The following MORC4 variants were observed in gnomAD, a reference collection of about 807,000 sequenced individuals.
MORC4 encodes the protein MORC family CW-type zinc finger protein 4.
MORC4 carries 22 observed loss-of-function variants against 65.5 expected under a neutral mutation model. The observed-to-expected ratio is 0.34, with a 90% CI of 0.24 to 0.48. MORC4 has a LOEUF of 0.48. Among genes scored for constraint, MORC4 ranks in the 20% least tolerant of loss-of-function variants. The pLI, the probability that MORC4 is intolerant of heterozygous loss-of-function variation, is 0.99. For synonymous variants in MORC4, 267 were observed against 255.8 expected, an observed-to-expected ratio of 1.04 and a Z score of -0.42; for missense variants, 624 against 703.0, an observed-to-expected ratio of 0.89 and a Z score of 1.27.
intron 7 of MORC4, among the ~76,000 whole-genome samples, chrX:106,978,510 G>A (rs767945493): frequency 9.1e-5 from 10 of 110,393 alleles, no homozygotes; most frequent in African/African-American, 2.9e-4. Flanking sequence ...ATAAAGAAAT[G>A]ATTAAATAAA....
chrX:106,941,369 G>A lies in MORC4; in HGVS notation c.*110C>T, dbSNP rs868355802. 4.7e-6 allele frequency: 2 copies of A among 421,615 alleles called. No homozygotes were observed. The highest frequency in any genetic ancestry group is 1.3e-4 in the African/African-American group (2 of 15,597). 34.7% of individuals were successfully genotyped at this position (421,615 alleles called of 1,213,427 possible). A position where few individuals can be genotyped will look rare whatever the true frequency, so the allele number is the denominator to read the frequency against. On this transcript the variant is annotated 3_prime_UTR_variant, in exon 17 of 17. Coordinates refer to ENST00000355610, the MANE Select transcript of MORC4 (RefSeq NM_024657.5). ...TCTCTATATAAGGCATAAAGGTGAGGGTGAGAGAGAGAGAGAGAGAGAGAG... is the reference window on the plus strand; with the variant it reads ...TCTCTATATAAGGCATAAAGGTGAGAGTGAGAGAGAGAGAGAGAGAGAGAG...
intron 9 of MORC4, among the ~76,000 whole-genome samples, chrX:106,974,315 T>TG (rs890700105): frequency 4.5e-5 from 5 of 111,789 alleles, no homozygotes; most frequent in African/African-American, 1.6e-4. Flanking sequence ...ACTGCTGCTC[T>TG]GGGGTATGGC....
At chrX:106,947,059 T>G (rs1569295229) in intron 14 of MORC4, among the ~76,000 whole-genome samples, 2 of 112,099 alleles carry the variant, frequency 1.8e-5, no homozygotes, top group Non-Finnish European at 3.8e-5. Context: ...TCAATATATT[T>G]TTACATTTCC....
chrX:106,954,916 GA>G lies in MORC4; in HGVS notation c.1681del (p.Ser561ProfsTer8). The G allele has an allele frequency of 8.3e-7, 1 of 1,207,503 alleles. No homozygotes were observed. Among genetic ancestry groups the G allele is most frequent in the South Asian group, 1.8e-5 (1 of 55,878 alleles). Reference protein sequence around the residue: ...KPLDSSVLQFSSKYKWILGEE... With the variant: ...KPLDSSVLQFXSKYKWILGEE... ...AGAGATCATGCTTTTTAGTCACCTGGAAAACTGTAAAACACTGGAATCCAGA... is the reference window on the plus strand; with the variant it reads ...AGAGATCATGCTTTTTAGTCACCTGGAAACTGTAAAACACTGGAATCCAGA... On this transcript the variant is annotated frameshift_variant, in exon 14 of 17. Transcript: ENST00000355610. LOFTEE classifies it high-confidence loss of function.
At chrX:106,966,227 C>T (rs1320435043) in intron 9 of MORC4, among the ~76,000 whole-genome samples, 3 of 112,352 alleles carry the variant, frequency 2.7e-5, no homozygotes, top group African/African-American at 9.7e-5. Context: ...GAGGCTGGGG[C>T]TGAACAATCT....
In MORC4 at chrX:106,950,997, AT is replaced by A. The variant is rs759510438; in HGVS notation, c.1685+3915del. ...CCTAGGACACTATCCAGAAACACTG[AT>A]TTTTTTTAAATATATTTTTTCAAGT... On this transcript the variant is annotated intron_variant, in intron 14 of 16. Transcript: ENST00000355610. Among the ~76,000 whole-genome samples, 3 of 111,562 alleles carry A rather than the reference AT, an allele frequency of 2.7e-5. 1 individual carries two copies. Among genetic ancestry groups the A allele is most frequent in the South Asian group, 7.6e-4 (2 of 2,637 alleles).
At chrX:106,957,769 A>G (rs979627705) in intron 11 of MORC4, among the ~76,000 whole-genome samples, 1 of 112,159 alleles carries the variant, frequency 8.9e-6, no homozygotes, top group East Asian at 2.8e-4. Flanking sequence ...GTACTACTGT[A>G]TAACACTGAT....
chrX:106,949,178 G>A lies in MORC4; in HGVS notation c.1685+5735C>T, dbSNP rs187346956. 4.5e-5 allele frequency among the ~76,000 whole-genome samples: 5 copies of A among 111,148 alleles called. No individual in the cohort carries two copies. In the East Asian group the frequency reaches 1.4e-3, roughly 31 times the overall value. ...TTTATTCTTCCAACTCTAATGTGCT[G>A]TTGAGTCCCTTTAAAATTTTTTTCA... is the stretch of plus-strand genomic sequence containing the variant. On this transcript the variant is annotated intron_variant, in intron 14 of 16. Coordinates refer to ENST00000355610, the MANE Select transcript of MORC4 (RefSeq NM_024657.5).
At chrX:106,954,080 G>A (rs148271020) in intron 14 of MORC4, among the ~76,000 whole-genome samples, 2,164 of 112,897 alleles carry the variant, frequency 0.019, 52 homozygotes, top group African/African-American at 0.065. Flanking sequence ...CCAAGATCAC[G>A]CCATTGGACT....
intron 10 of MORC4, among the ~76,000 whole-genome samples, chrX:106,961,324 ATCT>A (rs1487032980): frequency 8.9e-6 from 1 of 112,367 alleles, no homozygotes; most frequent in Non-Finnish European, 1.9e-5. Flanking sequence ...AATAGCCATC[ATCT>A]TCTACTATAT....
chrX:106,947,531 GTA>G (rs747759024), intron 14 of MORC4, among the ~76,000 whole-genome samples: 4 of 78,681 alleles, frequency 5.1e-5, no homozygotes, highest in African/African-American at 1.4e-4. Context: ...CTGTAGTTAG[GTA>G]TATATATATA....
intron 14 of MORC4, among the ~76,000 whole-genome samples, chrX:106,944,004 T>G (rs1339635970): frequency 8.9e-6 from 1 of 112,634 alleles, no homozygotes; most frequent in Non-Finnish European, 1.9e-5. Flanking sequence ...TTTTTAATCA[T>G]GCAGCAGGGT....
chrX:106,942,353 G>T lies in MORC4; in HGVS notation c.2377-132C>A. The T allele has an allele frequency of 6.7e-6, 6 of 898,490 alleles. No individual in the cohort carries two copies. In the South Asian group the frequency reaches 1.5e-4, roughly 22 times the overall value. The allele number at this position is 898,490 out of a possible 1,213,427, so 74.0% of individuals were successfully genotyped here. ...GGGCCTTTTCAATACCCTAAAATGG[G>T]CAGGAAGCCTACTACAGTTACTCTA... On this transcript the variant is annotated intron_variant, in intron 15 of 16. Coordinates refer to ENST00000355610, the MANE Select transcript of MORC4 (RefSeq NM_024657.5).
chrX:106,967,170 C>T (rs1934396585), intron 9 of MORC4, among the ~76,000 whole-genome samples: 1 of 111,337 alleles, frequency 9.0e-6, no homozygotes, highest in African/African-American at 3.3e-5. Flanking sequence ...AGGCAAACAG[C>T]GTCTGGAGTG....
At chrX:106,983,999 T>TA (rs986736321) in intron 5 of MORC4, among the ~76,000 whole-genome samples, 5 of 111,771 alleles carry the variant, frequency 4.5e-5, no homozygotes. Context: ...TTACCAAACT[T>TA]AAAAAAATGC....
At position 106,943,200 on chromosome X, in the gene MORC4, T is replaced by A. The variant is rs368894756; in HGVS notation, c.1691A>T (p.Tyr564Phe). 3.0e-5 allele frequency: 36 copies of A among 1,181,850 alleles called. No homozygotes were observed. Among genetic ancestry groups the A allele is most frequent in the Non-Finnish European group, 3.4e-5 (30 of 874,094 alleles). ...DSSVLQFSSK[Y>F]KWILGEEPVE... is the part of the protein sequence containing the mutation. ...CGGTTCTTCACCTAGGATCCATTTG[T>A]ACTTACTGCAAGAAGAGGAAATTAA... is the stretch of plus-strand genomic sequence containing the variant. Residue 564 changes from tyrosine (Y) to phenylalanine (F), a missense_variant, in exon 15 of 17, where the codon TAC becomes TTC. Coordinates refer to ENST00000355610, the MANE Select transcript of MORC4 (RefSeq NM_024657.5).
chrX:106,952,298 C>T (rs1201180437), intron 14 of MORC4, among the ~76,000 whole-genome samples: 1 of 112,031 alleles, frequency 8.9e-6, no homozygotes, highest in Non-Finnish European at 1.9e-5. Context: ...AGGCAATAGC[C>T]TATTGCTCCT....
intron 5 of MORC4, among the ~76,000 whole-genome samples, chrX:106,982,045 G>T (rs1306066198): frequency 9.0e-6 from 1 of 111,466 alleles, no homozygotes; most frequent in Non-Finnish European, 1.9e-5. Context: ...CTTTCATAAG[G>T]ACCTTTCTTG....
chrX:106,976,404 TCA>T (rs761502293), intron 9 of MORC4, among the ~76,000 whole-genome samples, 178 bp downstream of exon 9: 1 of 111,994 alleles, frequency 8.9e-6, no homozygotes, highest in Non-Finnish European at 1.9e-5. Context: ...ACTCCATATA[TCA>T]TTCAGCAAAC....
Sources: allele counts gnomAD v4.1 joint callset (sites outside exome capture counted in the v4.1 genomes callset), GRCh38; gene constraint gnomAD v4.1.1; transcripts MANE v1.5; gene names NCBI Gene and HGNC (gene_info 2026-07-23, HGNC 2026-07-21).